The following TTC28 variants were observed in gnomAD, a reference collection of about 807,000 sequenced individuals.
TTC28 encodes tetratricopeptide repeat protein 28.
A neutral mutation model predicts 198.0 loss-of-function variants in TTC28; 61 were observed. The observed-to-expected ratio is 0.31, with a 90% CI of 0.25 to 0.38. The LOEUF is 0.38. TTC28 is among the 10% of genes least tolerant of loss of function. The pLI is 1.00. For missense variants in TTC28, 2,678 were observed against 3,164.0 expected (o/e 0.85, Z 3.69); for synonymous variants, 1,171 against 1,297.8 (o/e 0.90, Z 2.10).
At chr22:28,609,890 A>C (rs1010636226) in intron 2 of TTC28, among the ~76,000 whole-genome samples, 3 of 152,144 alleles carry the variant, frequency 2.0e-5, no homozygotes, top group African/African-American at 7.2e-5. Context: ...GGGACACTCA[A>C]GCTTGGTGGG....
chr22:28,493,320 C>T (rs2048404497), intron 2 of TTC28, among the ~76,000 whole-genome samples: 1 of 152,050 alleles, frequency 6.6e-6, no homozygotes, highest in Non-Finnish European at 1.5e-5. Flanking sequence ...AACGCCACTG[C>T]ATTCCAGCCT....
intron 5 of TTC28, among the ~76,000 whole-genome samples, chr22:28,185,885 A>C (rs1601443127): frequency 6.6e-6 from 1 of 152,184 alleles, no homozygotes; most frequent in African/African-American, 2.4e-5. Context: ...TTTGGGATTT[A>C]AATCCAGGCC....
chr22:27,983,231 T>A lies in TTC28; in HGVS notation c.6436A>T (p.Thr2146Ser), dbSNP rs1372839638. ...TTGCTTTCTTCTTGGGATTTCACGG[T>A]ACTGTCCGTTTCTGTGCTAGACTGG... Reference protein sequence around the residue: ...SDQSSTETDSTVKSQEESNPK... With the variant: ...SDQSSTETDSSVKSQEESNPK... Residue 2146 changes from threonine (T) to serine (S), a missense_variant, in exon 23 of 23, where the codon ACC becomes TCC. Physicochemically the swap from Thr to Ser is moderately conservative, Grantham distance 58 (BLOSUM62 1). This residue lies in a region of TTC28 where 622 missense variants were observed against 656.0 expected (regional missense o/e 0.95). Transcript: ENST00000397906. 6.4e-7 allele frequency: 1 copy of A among 1,551,920 alleles called. No individual in the cohort carries two copies. The highest frequency in any genetic ancestry group is 1.2e-5 in the South Asian group (1 of 84,064).
At chr22:28,183,697 GC>G (rs1923921838) in intron 5 of TTC28, among the ~76,000 whole-genome samples, 1 of 151,886 alleles carries the variant, frequency 6.6e-6, no homozygotes. Context: ...TCCAAGACCA[GC>G]TTTATTAGAC....
intron 2 of TTC28, among the ~76,000 whole-genome samples, chr22:28,543,900 C>T (rs758104868): frequency 3.3e-5 from 5 of 152,124 alleles, no homozygotes; most frequent in Non-Finnish European, 7.4e-5. Context: ...TACACCATGA[C>T]CAACTGGGAT....
intron 2 of TTC28, among the ~76,000 whole-genome samples, chr22:28,596,522 T>C (rs2050546369): frequency 6.6e-6 from 1 of 152,238 alleles, no homozygotes; most frequent in African/African-American, 2.4e-5. Flanking sequence ...AAATTAAAAT[T>C]ACTATTCTAT....
chr22:28,661,609 AGTTTT>A (rs2051749684), intron 1 of TTC28, among the ~76,000 whole-genome samples: 1 of 150,956 alleles, frequency 6.6e-6, no homozygotes, highest in East Asian at 2.0e-4. Flanking sequence ...ATAGACAGAT[AGTTTT>A]GTTTTTTTTT....
intron 2 of TTC28, among the ~76,000 whole-genome samples, chr22:28,546,573 T>C (rs2049547871): frequency 6.6e-6 from 1 of 152,210 alleles, no homozygotes; most frequent in South Asian, 2.1e-4. Flanking sequence ...AACAATACTG[T>C]AGTTTCCTTG....
intron 2 of TTC28, among the ~76,000 whole-genome samples, chr22:28,521,968 C>G (rs1235488144): frequency 1.3e-5 from 2 of 152,148 alleles, no homozygotes; most frequent in Admixed American, 1.3e-4. Context: ...ATGATCCACC[C>G]AACACTCTGC....
chr22:28,154,407 AGTGG>A (rs1422785705), intron 6 of TTC28, among the ~76,000 whole-genome samples: 2 of 144,380 alleles, frequency 1.4e-5, no homozygotes, highest in East Asian at 4.1e-4. Flanking sequence ...GCTGGAGTGC[AGTGG>A]CGCGATCTCG....
Position 28,196,905 on chromosome 22 carries a change from A to G in TTC28, c.934-33306T>C, listed in dbSNP as rs539119393. ...AGAACTAGAAATACCATTTGACCCA[A>G]CCATTCCATTACTTGGTATATACCC... On this transcript the variant is annotated intron_variant, in intron 5 of 22. Coordinates refer to ENST00000397906, the MANE Select transcript of TTC28 (RefSeq NM_001145418.2). Among the ~76,000 whole-genome samples the G allele has an allele frequency of 6.6e-5, 10 of 152,186 alleles. No homozygotes were observed. In the South Asian group the frequency reaches 1.7e-3, roughly 25 times the overall value.
chr22:28,325,941 G>T (rs957465372), intron 2 of TTC28, among the ~76,000 whole-genome samples: 1 of 152,038 alleles, frequency 6.6e-6, no homozygotes, highest in Admixed American at 6.6e-5. Context: ...CTTGTAAAGT[G>T]AAATTTAGAC....
At position 28,108,098 on chromosome 22, in the gene TTC28, T is replaced by C. The variant is rs1404327244; in HGVS notation, c.1747A>G (p.Ile583Val). Residue 583 changes from isoleucine to valine, a missense_variant, in exon 7 of 23, where the codon ATC (isoleucine) becomes GTC (valine). This residue lies in a region of TTC28 where 775 missense variants were observed against 845.9 expected (regional missense o/e 0.92). Transcript: ENST00000397906. ...TGGATGTCTCGTAGCTCCCGGGCGA[T>C]GTTCAAGTGGTTCTGATAGTGTTGC... ...ALQHYQNHLN[I>V]ARELRDIQSE... is the part of the protein sequence containing the mutation. 3.5e-5 allele frequency: 55 copies of C among 1,551,434 alleles called. No homozygotes were observed. The East Asian group carries it at 1.3e-3, about 38-fold the overall frequency.
At chr22:28,397,593 G>A (rs2046837859) in intron 2 of TTC28, among the ~76,000 whole-genome samples, 2 of 151,578 alleles carry the variant, frequency 1.3e-5, no homozygotes, top group Admixed American at 1.3e-4. Context: ...TCAAGACTCT[G>A]TGATACTCTG....
intron 14 of TTC28, among the ~76,000 whole-genome samples, chr22:28,013,009 C>A (rs1479483343): frequency 2.8e-5 from 4 of 144,364 alleles, no homozygotes; most frequent in Non-Finnish European, 6.2e-5. Flanking sequence ...ACACCCTGTC[C>A]CCAAGCCAGA....
At chr22:28,554,363 T>A (rs2049753793) in intron 2 of TTC28, among the ~76,000 whole-genome samples, 3 of 133,186 alleles carry the variant, frequency 2.3e-5, no homozygotes, top group African/African-American at 2.9e-5. Flanking sequence ...CACCCAAGAA[T>A]GATCAATTAA....
At chr22:28,200,040 T>G (rs985900953) in intron 5 of TTC28, among the ~76,000 whole-genome samples, 4 of 152,148 alleles carry the variant, frequency 2.6e-5, no homozygotes, top group African/African-American at 9.7e-5. Flanking sequence ...TCTATAAATA[T>G]GTATTGTTTA....
intron 21 of TTC28, among the ~76,000 whole-genome samples, chr22:27,987,584 T>C (rs984784537): frequency 6.6e-6 from 1 of 152,004 alleles, no homozygotes. Context: ...ATACAAAAAT[T>C]AGCTGGGCGT....
intron 2 of TTC28, among the ~76,000 whole-genome samples, chr22:28,525,049 G>A (rs1230940248): frequency 6.6e-6 from 1 of 151,912 alleles, no homozygotes; most frequent in Non-Finnish European, 1.5e-5. Flanking sequence ...TTACTGCTGG[G>A]GTTATATGAA....
Sources: gnomAD v4.1 joint callset for allele counts (sites outside exome capture counted in the v4.1 genomes callset) on GRCh38, gnomAD v4.1.1 for gene constraint, gnomAD v4.1.1 regional missense constraint, MANE v1.5 for transcripts, NCBI Gene and HGNC (gene_info 2026-07-23, HGNC 2026-07-21) for gene names.